Variants in IRAG2 observed in about 807,000 individuals in gnomAD.
The protein encoded by IRAG2 is lymphoid restricted membrane protein.
IRAG2 carries 45 observed loss-of-function variants against 69.9 expected under a neutral mutation model. The observed-to-expected ratio is 0.64, with a 90% CI of 0.51 to 0.83. The LOEUF (loss-of-function observed/expected upper bound fraction) is 0.83. Ranked by LOEUF, IRAG2 falls within the 40% of genes least tolerant of loss-of-function variation. The probability of loss-of-function intolerance (pLI) is 0.00; values close to 1 mark genes in which losing one functional copy is unlikely to be tolerated. For missense variants in IRAG2, 520 were observed against 587.0 expected, an observed-to-expected ratio of 0.89 and a Z score of 1.18; for synonymous variants, 193 against 202.4, an observed-to-expected ratio of 0.95 and a Z score of 0.40.
At chr12:25,056,175 C>T (rs1945245004) in intron 1 of IRAG2, among the ~76,000 whole-genome samples, 1 of 152,096 alleles carries the variant, frequency 6.6e-6, no homozygotes, top group Admixed American at 6.6e-5. Context: ...AGGTAAAACC[C>T]TTAGGGCTTG....
intron 9 of IRAG2, among the ~76,000 whole-genome samples, chr12:25,080,698 T>G (rs983961740): frequency 3.3e-5 from 5 of 152,190 alleles, no homozygotes; most frequent in Non-Finnish European, 5.9e-5. Context: ...AAGTTTGAGA[T>G]AGAGGTGCTA....
chr12:25,012,549 A>G (rs905398913), intron 3 of IRAG2, among the ~76,000 whole-genome samples: 10 of 151,808 alleles, frequency 6.6e-5, no homozygotes, highest in Non-Finnish European at 1.0e-4. Context: ...AAATGTTGAC[A>G]GGGCGCGATG....
chr12:25,029,008 C>G (rs546751259), intron 9 of IRAG2, among the ~76,000 whole-genome samples: 56 of 152,322 alleles, frequency 3.7e-4, no homozygotes, highest in Non-Finnish European at 7.2e-4. Context: ...AGTGATCTTC[C>G]CATCACAAAC....
intron 6 of IRAG2, among the ~76,000 whole-genome samples, chr12:25,073,122 C>T (rs893521694): frequency 1.3e-5 from 2 of 152,278 alleles, no homozygotes; most frequent in African/African-American, 2.4e-5. Context: ...TTCCTCATTT[C>T]TCAATGATCC....
intron 13 of IRAG2, chr12:25,035,632 G>C (rs1171268341): frequency 2.5e-6 from 1 of 398,764 alleles, no homozygotes; most frequent in Non-Finnish European, 4.4e-6. Flanking sequence ...TCAATTGTGG[G>C]CATTTCGATC....
intron 1 of IRAG2, among the ~76,000 whole-genome samples, chr12:25,058,566 A>G (rs1394470870): frequency 6.6e-6 from 1 of 152,232 alleles, no homozygotes; most frequent in Admixed American, 6.5e-5. Flanking sequence ...CAGTATAGAT[A>G]GTATTATACA....
intron 14 of IRAG2, among the ~76,000 whole-genome samples, chr12:25,090,603 C>T (rs1034566114): frequency 2.0e-5 from 3 of 152,212 alleles, no homozygotes; most frequent in Middle Eastern, 3.4e-3. Context: ...ATAACACTTT[C>T]ATAATTACAT....
At chr12:25,001,776 T>TG (rs1303375342), upstream of IRAG2, among the ~76,000 whole-genome samples, 1 of 151,290 alleles carries the variant, frequency 6.6e-6, no homozygotes, top group African/African-American at 2.4e-5. Context: ...TTTGGTTTTT[T>TG]TTTTTTTTTT....
At chr12:25,060,899 C>T (rs1361972964) in intron 1 of IRAG2, among the ~76,000 whole-genome samples, 1 of 151,704 alleles carries the variant, frequency 6.6e-6, no homozygotes, top group East Asian at 1.9e-4. Context: ...AAGTACTGGC[C>T]TAAAATGATC....
chr12:25,017,829 A>C (rs923147855), intron 6 of IRAG2, among the ~76,000 whole-genome samples: 1 of 152,124 alleles, frequency 6.6e-6, no homozygotes, highest in African/African-American at 2.4e-5. Context: ...CTCCATACTT[A>C]CCAGCAGGCA....
intron 19 of IRAG2, 85 bp from the exon 20 acceptor site, chr12:25,104,276 G>A: frequency 1.0e-6 from 1 of 980,986 alleles, no homozygotes. Flanking sequence ...ATATAATTTT[G>A]TATTTACTTA....
At chr12:25,042,065 G>A (rs1944755564) in intron 16 of IRAG2, among the ~76,000 whole-genome samples, 1 of 151,860 alleles carries the variant, frequency 6.6e-6, no homozygotes, top group African/African-American at 2.4e-5. Context: ...TATAGACTTA[G>A]GAACTATTGC....
In IRAG2 at chr12:25,039,646, G is replaced by A. The variant is rs372687867; in HGVS notation, c.2144+1509G>A. Among the ~76,000 whole-genome samples the A allele has an allele frequency of 2.6e-4, 39 of 152,288 alleles. No individual in the cohort carries two copies. The East Asian group carries it at 4.2e-3, about 17-fold the overall frequency. On this transcript the variant is annotated intron_variant, in intron 16 of 38. Coordinates refer to the IRAG2 transcript ENST00000636465. ...GGGGTTTCACCATGTTAACCAGGAT[G>A]GTCTCGATCTCCTGACCTCGTGATC...
At chr12:25,094,911 G>A (rs1948321669) in intron 14 of IRAG2, among the ~76,000 whole-genome samples, 1 of 151,906 alleles carries the variant, frequency 6.6e-6, no homozygotes, top group African/African-American at 2.4e-5. Flanking sequence ...AATTTTTTGT[G>A]TTAATTTTGT....
At chr12:25,053,639 T>C (rs1945013472) in intron 1 of IRAG2, among the ~76,000 whole-genome samples, 1 of 152,140 alleles carries the variant, frequency 6.6e-6, no homozygotes, top group Admixed American at 6.5e-5. Context: ...AGAAACCTAA[T>C]ATGGTAAAAA....
At chr12:25,039,628 C>T (rs2139858500) in intron 16 of IRAG2, among the ~76,000 whole-genome samples, 1 of 152,300 alleles carries the variant, frequency 6.6e-6, no homozygotes. Context: ...GACGGGGTTT[C>T]ACCATGTTAA....
chr12:25,044,081 CTA>C (rs1944772121), intron 16 of IRAG2, among the ~76,000 whole-genome samples: 1 of 151,838 alleles, frequency 6.6e-6, no homozygotes, highest in South Asian at 2.1e-4. Flanking sequence ...GTAAAAATAA[CTA>C]TAAAAATGTT....
intron 16 of IRAG2, among the ~76,000 whole-genome samples, chr12:25,047,002 A>G (rs1315910391): frequency 6.6e-6 from 1 of 152,216 alleles, no homozygotes; most frequent in African/African-American, 2.4e-5. Flanking sequence ...GAAACAGAAG[A>G]GAGAGCCTAG....
chr12:25,046,339 T>C (rs11561154), intron 16 of IRAG2, among the ~76,000 whole-genome samples: 4,439 of 152,004 alleles, frequency 0.029, 89 homozygotes, highest in Non-Finnish European at 0.04. Context: ...CTGTTCAGTG[T>C]AGTACTAGCC....
Sources: allele counts gnomAD v4.1 joint callset (sites outside exome capture counted in the v4.1 genomes callset), GRCh38; gene constraint gnomAD v4.1.1; transcripts MANE v1.5; gene names NCBI Gene and HGNC (gene_info 2026-07-23, HGNC 2026-07-21).